NPAS3: variants seen among roughly 807,000 people sequenced by gnomAD.
NPAS3 encodes neuronal PAS domain-containing protein 3.
In NPAS3, 14 loss-of-function variants were observed where a neutral mutation model predicts 73.1. The observed-to-expected ratio is 0.19, with a 90% confidence interval of 0.13 to 0.30. NPAS3 has a LOEUF of 0.30. Ranked by LOEUF, NPAS3 falls within the 10% of genes least tolerant of loss-of-function variation. The pLI, the probability that NPAS3 is intolerant of heterozygous loss-of-function variation, is 1.00. For missense variants in NPAS3, 1,096 were observed against 1,250.0 expected (o/e 0.88, Z 1.86); for synonymous variants, 620 against 541.5 (o/e 1.14, Z -2.01).
chr14:33,284,263 C>G (rs754460522), intron 3 of NPAS3, among the ~76,000 whole-genome samples: 6 of 151,984 alleles, frequency 3.9e-5, no homozygotes, highest in Non-Finnish European at 7.4e-5. Context: ...TCATGTTTGG[C>G]TGTATTTTGG....
At chr14:33,492,904 C>T (rs113393928) in intron 4 of NPAS3, among the ~76,000 whole-genome samples, 36 of 152,274 alleles carry the variant, frequency 2.4e-4, no homozygotes, top group African/African-American at 8.2e-4. Flanking sequence ...AATGTCAAGG[C>T]ATCCCTTGAT....
At chr14:33,276,161 G>A (rs527830057) in intron 3 of NPAS3, among the ~76,000 whole-genome samples, 38 of 152,276 alleles carry the variant, frequency 2.5e-4, no homozygotes, top group African/African-American at 7.2e-4. Flanking sequence ...TACATCGAAA[G>A]TAGGGTTAAT....
chr14:33,179,918 T>G lies in NPAS3; in HGVS notation c.141-35264T>G, dbSNP rs150109310. ...AGATTTTTCAGAAAAACAACGTGAT[T>G]CTTCTATGTAAATATTATGATAGAA... On this transcript the variant is annotated intron_variant, in intron 2 of 11. Coordinates refer to ENST00000356141, the Ensembl canonical transcript of NPAS3. Among the ~76,000 whole-genome samples, 41 of 152,354 alleles carry G rather than the reference T, an allele frequency of 2.7e-4. No individual in the cohort carries two copies. In the East Asian group the frequency reaches 6.0e-3, roughly 22 times the overall value.
chr14:33,484,678 G>C (rs1256080440), intron 4 of NPAS3, among the ~76,000 whole-genome samples: 1 of 152,156 alleles, frequency 6.6e-6, no homozygotes, highest in Non-Finnish European at 1.5e-5. Flanking sequence ...TAAAATACCT[G>C]GTCCATAAGC....
chr14:33,701,137 C>G (rs1248192420), intron 6 of NPAS3, among the ~76,000 whole-genome samples: 1 of 152,200 alleles, frequency 6.6e-6, no homozygotes, highest in Non-Finnish European at 1.5e-5. Flanking sequence ...CATCAGCACT[C>G]TAATACCTTT....
At chr14:33,515,739 A>G (rs558653710) in intron 4 of NPAS3, among the ~76,000 whole-genome samples, 2 of 152,064 alleles carry the variant, frequency 1.3e-5, no homozygotes, top group Non-Finnish European at 2.9e-5. Context: ...ACAGCACTGG[A>G]CACCACTGCT....
At chr14:33,198,202 G>T (rs112696492) in intron 2 of NPAS3, among the ~76,000 whole-genome samples, 32,135 of 152,124 alleles carry the variant, frequency 0.21, 3,840 homozygotes, top group South Asian at 0.38. Flanking sequence ...AACAGCAAGA[G>T]TTATTGCAAA....
intron 2 of NPAS3, chr14:33,213,746 C>T (rs2047120334): frequency 6.6e-6 from 1 of 152,148 alleles, no homozygotes; most frequent in Admixed American, 6.6e-5. Context: ...CTGAGAAAGA[C>T]ATTTGTTAGC....
chr14:33,333,611 C>A (rs2044085520), intron 3 of NPAS3, among the ~76,000 whole-genome samples: 2 of 152,020 alleles, frequency 1.3e-5, no homozygotes, highest in African/African-American at 4.8e-5. Context: ...GAGTCCATTG[C>A]ATTTAGTATG....
rs754007374 is a variant in NPAS3 at position 33,136,790 on chromosome 14, GGGATTATATA to G, written c.141-78391_141-78382del. 1.2e-4 allele frequency among the ~76,000 whole-genome samples: 18 copies of G among 152,192 alleles called. 1 individual carries two copies. The highest frequency in any genetic ancestry group is 2.5e-4 in the Non-Finnish European group (17 of 68,038). ...TACAACAGCAATGGCCTTTGCATCT[GGGATTATATA>G]CTTCGTGTATCTGTTACAAAGATGA... On this transcript the variant is annotated intron_variant, in intron 2 of 11. Transcript: ENST00000356141.
intron 7 of NPAS3, among the ~76,000 whole-genome samples, chr14:33,739,857 A>G (rs1425921347): frequency 6.6e-6 from 1 of 151,966 alleles, no homozygotes; most frequent in Non-Finnish European, 1.5e-5. Context: ...TCTCCCTCCC[A>G]TTTATCCATC....
At chr14:33,244,687 T>C (rs1401979250) in intron 3 of NPAS3, among the ~76,000 whole-genome samples, 2 of 152,132 alleles carry the variant, frequency 1.3e-5, no homozygotes, top group African/African-American at 4.8e-5. Context: ...TATAATACTC[T>C]TTTGACCGGT....
chr14:33,004,817 C>CTTTTTCTTTTTTTTTTTTTTTTTTT (rs2038933177), intron 1 of NPAS3, among the ~76,000 whole-genome samples: 1 of 63,998 alleles, frequency 1.6e-5, no homozygotes, highest in Non-Finnish European at 3.5e-5. Context: ...AAAAGTTTTC[C>CTTTTTCTTTTTTTTTTTTTTTTTTT]TTTTTTTTTT....
intron 4 of NPAS3, among the ~76,000 whole-genome samples, chr14:33,385,014 G>A (rs1385006700): frequency 2.6e-5 from 4 of 152,158 alleles, no homozygotes; most frequent in East Asian, 1.9e-4. Flanking sequence ...GAAAGCTGGC[G>A]CAGGTGAGCA....
chr14:33,355,136 G>A (rs1034275882), intron 3 of NPAS3, among the ~76,000 whole-genome samples: 1 of 152,142 alleles, frequency 6.6e-6, no homozygotes, highest in African/African-American at 2.4e-5. Context: ...TTGTGCCATT[G>A]TGTGTGTTCT....
chr14:33,574,626 A>T (rs2056360658), intron 5 of NPAS3, among the ~76,000 whole-genome samples: 1 of 151,980 alleles, frequency 6.6e-6, no homozygotes, highest in Non-Finnish European at 1.5e-5. Flanking sequence ...TTTGAGGGAG[A>T]GAAAGTGTTG....
At chr14:33,127,982 C>T (rs2043491172) in intron 2 of NPAS3, among the ~76,000 whole-genome samples, 1 of 152,128 alleles carries the variant, frequency 6.6e-6, no homozygotes, top group Admixed American at 6.6e-5. Context: ...GACTTGTGTT[C>T]ACTCAGTAAT....
intron 4 of NPAS3, among the ~76,000 whole-genome samples, chr14:33,476,275 T>G (rs1485429812): frequency 1.3e-5 from 2 of 152,236 alleles, no homozygotes; most frequent in African/African-American, 4.8e-5. Flanking sequence ...CTATGCTCAT[T>G]GTAATTTACT....
intron 5 of NPAS3, among the ~76,000 whole-genome samples, chr14:33,618,624 G>T (rs1039139601): frequency 2.0e-5 from 3 of 152,144 alleles, no homozygotes; most frequent in African/African-American, 7.2e-5. Flanking sequence ...TTCCTAACAG[G>T]CCACGGTTGG....
Sources: allele counts gnomAD v4.1 joint callset (sites outside exome capture counted in the v4.1 genomes callset), GRCh38; gene constraint gnomAD v4.1.1; transcripts MANE v1.5; gene names NCBI Gene and HGNC (gene_info 2026-07-23, HGNC 2026-07-21).